The following ARFGEF2 variants were observed in gnomAD, a reference collection of about 807,000 sequenced individuals.
ARFGEF2 encodes the protein brefeldin A-inhibited guanine nucleotide-exchange protein 2.
ARFGEF2 carries 74 observed loss-of-function variants against 219.9 expected under a neutral mutation model. The ratio of observed to expected loss-of-function variants is 0.34; its 90% CI spans 0.28 to 0.41. The LOEUF (loss-of-function observed/expected upper bound fraction) is 0.41. Ranked by LOEUF, ARFGEF2 falls within the 10% of genes least tolerant of loss-of-function variation. The probability of loss-of-function intolerance (pLI) is 1.00; values close to 1 mark genes in which losing one functional copy is unlikely to be tolerated. For synonymous variants in ARFGEF2, 733 were observed against 799.2 expected (o/e 0.92, Z 1.40); for missense variants, 1,743 against 2,218.3 (o/e 0.79, Z 4.30).
intron 13 of ARFGEF2, among the ~76,000 whole-genome samples, chr20:48,975,301 G>C (rs964620472): frequency 6.6e-6 from 1 of 152,110 alleles, no homozygotes; most frequent in Non-Finnish European, 1.5e-5. Flanking sequence ...TCCCACCTCA[G>C]CCTCCCAAAG....
At chr20:48,959,125 A>G (rs1436906187) in intron 6 of ARFGEF2, among the ~76,000 whole-genome samples, 1 of 152,216 alleles carries the variant, frequency 6.6e-6, no homozygotes, top group Non-Finnish European at 1.5e-5. Flanking sequence ...ATGTACAGGC[A>G]GAGGTACTTG....
chr20:49,023,103 G>A lies in ARFGEF2; in HGVS notation c.4677G>A (p.Leu1559=). The change falls in exon 35 of 39, where the codon TTG becomes TTA. Residue 1559 remains leucine, a synonymous_variant. Coordinates refer to ENST00000371917, the MANE Select transcript of ARFGEF2 (RefSeq NM_006420.3). ...TCAAGTGTGTGGTCCAGTTGGAATT[G>A]ATACAGACCATTGACAACATTGTGT... The part of the protein sequence containing the change: ...LLIKCVVQLE[L]IQTIDNIVFY... 6.2e-7 allele frequency: 1 copy of A among 1,614,200 alleles called. No individual in the cohort carries two copies. The highest frequency in any genetic ancestry group is 8.5e-7 in the Non-Finnish European group (1 of 1,180,042).
chr20:48,988,676 G>A lies in ARFGEF2; in HGVS notation c.2533+14G>A, dbSNP rs778989956. ...CTACTAAGCAGAGTAAGGTCTAATG[G>A]CAAATTATTTCTTTTAGTTCTAATT... is the stretch of plus-strand genomic sequence containing the variant. On this transcript the variant is annotated intron_variant, in intron 18 of 38. Coordinates refer to ENST00000371917, the MANE Select transcript of ARFGEF2 (RefSeq NM_006420.3). The A allele has an allele frequency of 2.5e-6, 4 of 1,609,500 alleles. No individual in the cohort carries two copies. In the African/African-American group the frequency reaches 4.0e-5, roughly 16 times the overall value.
At chr20:48,988,462 A>C in intron 17 of ARFGEF2, 29 bp from the exon 18 acceptor site, 2 of 1,610,682 alleles carry the variant, frequency 1.2e-6, no homozygotes, top group South Asian at 2.2e-5. Context: ...GATGTTTTTT[A>C]AATGGTTTTT....
Position 48,941,982 on chromosome 20 carries a change from T to C in ARFGEF2, c.271T>C (p.Leu91=). 6.2e-7 allele frequency: 1 copy of C among 1,614,154 alleles called. No individual in the cohort carries two copies. Among genetic ancestry groups the C allele is most frequent in the South Asian group, 1.1e-5 (1 of 91,078 alleles). Residue 91 remains leucine, a synonymous_variant, in exon 3 of 39, where the codon TTG becomes CTG. Transcript: ENST00000371917. ...PRVVSTSLDC[L]QKLIAYGHIT... The stretch of plus-strand genomic sequence containing the variant: ...GGTAGTCAGCACATCCCTTGACTGC[T>C]TGCAGGTACCATGTTTAAACTTCGT...
chr20:48,968,466 G>C (rs932976830), intron 8 of ARFGEF2, among the ~76,000 whole-genome samples: 1 of 150,140 alleles, frequency 6.7e-6, no homozygotes, highest in Non-Finnish European at 1.5e-5. Flanking sequence ...GCAGTGCCGC[G>C]ATCTCGGCTC....
Position 48,995,863 on chromosome 20 carries a change from G to A in ARFGEF2, c.3202G>A (p.Val1068Met). 2 of 1,614,192 alleles carry A rather than the reference G, an allele frequency of 1.2e-6. No individual in the cohort carries two copies. The highest frequency in any genetic ancestry group is 1.7e-5 in the Admixed American group (1 of 60,024). The change falls in exon 23 of 39, where the codon GTG becomes ATG. Residue 1068 changes from valine to methionine, a missense_variant. By Grantham distance (21) the Val-to-Met change is conservative (BLOSUM62 1). Coordinates refer to ENST00000371917, the MANE Select transcript of ARFGEF2 (RefSeq NM_006420.3). ...GGTTGGTGAGACCAGCTCGCAGAGTGTGGTTGTAGCTGTGGACAGGTAATG... is the reference window on the plus strand; with the variant it reads ...GGTTGGTGAGACCAGCTCGCAGAGTATGGTTGTAGCTGTGGACAGGTAATG... ...ESVGETSSQS[V>M]VVAVDRIFTG...
At chr20:48,977,871 A>G (rs1453614809) in intron 14 of ARFGEF2, among the ~76,000 whole-genome samples, 1 of 151,892 alleles carries the variant, frequency 6.6e-6, no homozygotes, top group Non-Finnish European at 1.5e-5. Flanking sequence ...TAGATTCTGG[A>G]TATTAGCCCT....
chr20:49,013,577 A>G lies in ARFGEF2; in HGVS notation c.3932A>G (p.Tyr1311Cys). ...TTTTCATCCTAGGTGCTACAAGAAT[A>G]CACAAGTGATGACATGAATGTAGCT... ...VSERPRVLQE[Y>C]TSDDMNVAPG... The change falls in exon 29 of 39, where the codon TAC (tyrosine) becomes TGC (cysteine). Residue 1311 changes from tyrosine (Y) to cysteine (C), a missense_variant. By Grantham distance (194) the Tyr-to-Cys change is radical. Coordinates refer to ENST00000371917, the MANE Select transcript of ARFGEF2 (RefSeq NM_006420.3). 1 of 1,614,174 alleles carries G rather than the reference A, an allele frequency of 6.2e-7. No individual in the cohort carries two copies. Among genetic ancestry groups the G allele is most frequent in the Non-Finnish European group, 8.5e-7 (1 of 1,180,004 alleles).
At chr20:49,005,925 G>T (rs1473888961) in intron 26 of ARFGEF2, among the ~76,000 whole-genome samples, 7 of 151,996 alleles carry the variant, frequency 4.6e-5, no homozygotes, top group African/African-American at 1.5e-4. Context: ...TGAAGCAGCC[G>T]TACTGTTCAT....
chr20:48,963,750 C>G lies in ARFGEF2; in HGVS notation c.839-80C>G. The G allele has an allele frequency of 6.5e-6, 9 of 1,394,180 alleles. No individual in the cohort carries two copies. In the South Asian group the frequency reaches 9.5e-5, roughly 15 times the overall value. 86.4% of individuals were successfully genotyped at this position (1,394,180 alleles called of 1,614,324 possible). A position where few individuals can be genotyped will look rare whatever the true frequency, so the allele number is the denominator to read the frequency against. On this transcript the variant is annotated intron_variant, in intron 6 of 38. Transcript: ENST00000371917. The stretch of plus-strand genomic sequence containing the variant: ...CCTTTGCCTTCTGAAATGTAACTCC[C>G]CATAATCTCCTTTTCCTCTCTTCCT...
chr20:48,924,527 A>AT (rs2123258194), intron 1 of ARFGEF2, among the ~76,000 whole-genome samples: 1 of 151,872 alleles, frequency 6.6e-6, no homozygotes, highest in East Asian at 1.9e-4. Flanking sequence ...AAAAAAAAAA[A>AT]AAAAAGGCTG....
chr20:48,962,221 A>G (rs1385458651), intron 6 of ARFGEF2, among the ~76,000 whole-genome samples: 1 of 152,198 alleles, frequency 6.6e-6, no homozygotes, highest in Non-Finnish European at 1.5e-5. Context: ...AACTAATAAC[A>G]TAGTGGTTTA....
chr20:48,990,501 C>T (rs1290787176), intron 20 of ARFGEF2, among the ~76,000 whole-genome samples: 2 of 151,962 alleles, frequency 1.3e-5, no homozygotes, highest in East Asian at 3.9e-4. Flanking sequence ...GAAGTTGCAC[C>T]CCATTTATTT....
In ARFGEF2 at chr20:49,028,921, T is replaced by C. The variant is rs553321029; in HGVS notation, c.5063+253T>C. 3.3e-5 allele frequency among the ~76,000 whole-genome samples: 5 copies of C among 152,292 alleles called. No homozygotes were observed. The South Asian group carries it at 8.3e-4, about 25-fold the overall frequency. On this transcript the variant is annotated intron_variant, in intron 37 of 38. Transcript: ENST00000371917. ...GTGCTGTGAGCTATGCATAGAAACA[T>C]GGACAGTGAAAAGTGCTCCGAGCGG...
In ARFGEF2 at chr20:49,023,175, C is replaced by T. The variant is rs757878455; in HGVS notation, c.4749C>T (p.Ala1583=). The change falls in exon 35 of 39, where the codon GCC becomes GCT. Residue 1583 remains alanine (A), a synonymous_variant. Coordinates refer to ENST00000371917, the MANE Select transcript of ARFGEF2 (RefSeq NM_006420.3). ...SKKEDAEHMV[A]AQQDTLDADI... is the part of the protein sequence containing the mutation. ...AGGAGGATGCAGAGCACATGGTTGC[C>T]GCCCAGGTAAGAACAGGAGGCCTCA... 34 of 1,613,972 alleles carry T rather than the reference C, an allele frequency of 2.1e-5. No homozygotes were observed. The highest frequency in any genetic ancestry group is 7.7e-5 in the South Asian group (7 of 91,074).
rs148597936 is a variant in ARFGEF2 at position 48,973,270 on chromosome 20, A to G, written c.1651A>G (p.Met551Val). The G allele has an allele frequency of 2.5e-6, 4 of 1,614,078 alleles. No individual in the cohort carries two copies. In the African/African-American group the frequency reaches 5.3e-5, roughly 22 times the overall value. The change falls in exon 12 of 39, where the codon ATG becomes GTG. Residue 551 changes from methionine to valine, a missense_variant. By Grantham distance (21) the Met-to-Val change is conservative. Around this residue, in one of 5 missense-constraint regions of ARFGEF2, gnomAD observed 666 missense variants for 955.4 expected, o/e 0.70. Transcript: ENST00000371917. ...GGGAAGAAGTGGACATGAGCTGGGAATGACACCTCTGCAGGTAAAAACACT... is the reference window on the plus strand; with the variant it reads ...GGGAAGAAGTGGACATGAGCTGGGAGTGACACCTCTGCAGGTAAAAACACT... ...AQGRSGHELG[M>V]TPLQELSLRK...
At chr20:48,950,923 C>T (rs2091067039) in intron 3 of ARFGEF2, among the ~76,000 whole-genome samples, 1 of 147,254 alleles carries the variant, frequency 6.8e-6, no homozygotes, top group Non-Finnish European at 1.5e-5. Flanking sequence ...GTTGTGCAAC[C>T]ATTACCACAA....
chr20:48,975,094 C>T (rs2091252978), intron 13 of ARFGEF2, among the ~76,000 whole-genome samples: 1 of 152,138 alleles, frequency 6.6e-6, no homozygotes, highest in Non-Finnish European at 1.5e-5. Context: ...TGCTCTAGTG[C>T]CTTTTTAGTA....
Sources: allele counts gnomAD v4.1 joint callset (sites outside exome capture counted in the v4.1 genomes callset), GRCh38; gene constraint gnomAD v4.1.1; regional missense constraint gnomAD v4.1.1; transcripts MANE v1.5; gene names NCBI Gene and HGNC (gene_info 2026-07-23, HGNC 2026-07-21).